ASTN2: variants seen among roughly 807,000 people sequenced by gnomAD.
ASTN2 encodes astrotactin-2.
Under a neutral mutation model 139.8 loss-of-function variants are expected in ASTN2, and 54 were observed. The ratio of observed to expected loss-of-function variants is 0.39; its 90% CI spans 0.31 to 0.48. The LOEUF is 0.48. Ranked by LOEUF, ASTN2 falls within the 20% of genes least tolerant of loss-of-function variation. The pLI is 0.95. For synonymous variants in ASTN2, 756 were observed against 719.5 expected (o/e 1.05, Z -0.81); for missense variants, 1,565 against 1,725.1 (o/e 0.91, Z 1.64).
chr9:116,553,181 G>A (rs546086861), intron 19 of ASTN2, among the ~76,000 whole-genome samples: 96 of 152,150 alleles, frequency 6.3e-4, no homozygotes, highest in African/African-American at 2.2e-3. Flanking sequence ...AGATTCTGTG[G>A]ACCTGCAGAC....
At position 116,888,779 on chromosome 9, in the gene ASTN2, T is replaced by C. The variant is rs540044899; in HGVS notation, c.1890-25046A>G. Among the ~76,000 whole-genome samples, 11 of 152,276 alleles carry C rather than the reference T, an allele frequency of 7.2e-5. No individual in the cohort carries two copies. In the South Asian group the frequency reaches 1.5e-3, roughly 20 times the overall value. ...TAGGTAAATGTGTGTCATGGTGGTT[T>C]GCTGCACCTATCAACCCATCACCTA... On this transcript the variant is annotated intron_variant, in intron 10 of 22. Coordinates refer to ENST00000313400, the MANE Select transcript of ASTN2 (RefSeq NM_001365068.1).
chr9:116,609,906 G>C (rs1305549061), intron 19 of ASTN2, among the ~76,000 whole-genome samples: 1 of 152,060 alleles, frequency 6.6e-6, no homozygotes, highest in South Asian at 2.1e-4. Flanking sequence ...ACTGTGATAT[G>C]TTAGATATTC....
At chr9:116,499,008 T>G (rs1849765918) in intron 19 of ASTN2, among the ~76,000 whole-genome samples, 1 of 152,194 alleles carries the variant, frequency 6.6e-6, no homozygotes, top group Non-Finnish European at 1.5e-5. Context: ...TCTAAAGAGC[T>G]GGCTGCTTCT....
At chr9:117,317,824 C>A (rs1269793978) in intron 1 of ASTN2, among the ~76,000 whole-genome samples, 2 of 152,182 alleles carry the variant, frequency 1.3e-5, no homozygotes, top group Non-Finnish European at 2.9e-5. Flanking sequence ...ACTCACAGGT[C>A]AGTGCACTGG....
At chr9:117,191,070 A>C (rs1370658685) in intron 3 of ASTN2, among the ~76,000 whole-genome samples, 1 of 152,142 alleles carries the variant, frequency 6.6e-6, no homozygotes, top group East Asian at 1.9e-4. Context: ...GAGACTTCCC[A>C]ACAGATATTG....
At chr9:116,671,352 T>A (rs764219061) in intron 16 of ASTN2, among the ~76,000 whole-genome samples, 11 of 152,164 alleles carry the variant, frequency 7.2e-5, no homozygotes, top group Non-Finnish European at 1.3e-4. Flanking sequence ...TATTGAGCAC[T>A]TACCAAGTAT....
chr9:117,173,538 A>G (rs570514028), intron 3 of ASTN2, among the ~76,000 whole-genome samples: 3 of 152,138 alleles, frequency 2.0e-5, no homozygotes, highest in South Asian at 4.1e-4. Flanking sequence ...AATAGTACCC[A>G]GAACATATTA....
At position 116,650,190 on chromosome 9, in the gene ASTN2, C is replaced by T. The variant is rs115223787; in HGVS notation, c.3072+1338G>A. ...GTGTTGTAGAAGGAGGAGTGGGGAT[C>T]AAATGGGAGATGCTTTATCTCCCTT... On this transcript the variant is annotated intron_variant, in intron 17 of 22. Coordinates refer to ENST00000313400, the MANE Select transcript of ASTN2 (RefSeq NM_001365068.1). Among the ~76,000 whole-genome samples, 1,215 of 152,274 alleles carry T rather than the reference C, an allele frequency of 8.0e-3. 12 individuals carry two copies. The highest frequency in any genetic ancestry group is 0.024 in the African/African-American group (986 of 41,564).
intron 1 of ASTN2, among the ~76,000 whole-genome samples, chr9:117,361,935 A>G (rs944546884): frequency 6.6e-6 from 1 of 151,650 alleles, no homozygotes; most frequent in African/African-American, 2.4e-5. Flanking sequence ...ATCACCCTGC[A>G]TTTTGTTTGA....
In ASTN2 at chr9:117,414,594, G is replaced by C. The variant is rs371965353; in HGVS notation, c.345C>G (p.Ala115=). 6.3e-5 allele frequency: 99 copies of C among 1,576,284 alleles called. No individual in the cohort carries two copies. The highest frequency in any genetic ancestry group is 5.2e-5 in the Non-Finnish European group (61 of 1,164,712). ...GCACAAAGAGCAGGAGGCGCGACTC[G>C]GCGGCGGTGCCGGCAGAGCCAGGAG... is the stretch of plus-strand genomic sequence containing the variant. ...PGSPGSAGTA[A]ESRLLLFVRN... The change falls in exon 1 of 23, where the codon GCC becomes GCG. Residue 115 remains alanine, a synonymous_variant. Coordinates refer to ENST00000313400, the MANE Select transcript of ASTN2 (RefSeq NM_001365068.1). The surrounding 1 kb of genome is among the most constrained non-coding windows in gnomAD (Gnocchi z 4.2).
chr9:116,517,629 AC>A (rs1321621879), intron 19 of ASTN2, among the ~76,000 whole-genome samples: 1 of 152,250 alleles, frequency 6.6e-6, no homozygotes, highest in East Asian at 1.9e-4. Context: ...ATACTGGTTC[AC>A]CAGTAATGGA....
intron 13 of ASTN2, among the ~76,000 whole-genome samples, chr9:116,796,161 G>T (rs934916081): frequency 3.9e-5 from 6 of 152,188 alleles, no homozygotes; most frequent in African/African-American, 1.4e-4. Flanking sequence ...ACACCAGGAA[G>T]TGGGCATTGT....
intron 7 of ASTN2, among the ~76,000 whole-genome samples, chr9:116,994,979 C>A (rs1319153547): frequency 6.6e-6 from 1 of 152,194 alleles, no homozygotes; most frequent in Non-Finnish European, 1.5e-5. Context: ...GATATTCTTA[C>A]CACTATTTTA....
chr9:117,191,227 CAA>C (rs35328157), intron 3 of ASTN2, among the ~76,000 whole-genome samples: 26 of 62,418 alleles, frequency 4.2e-4, no homozygotes, highest in African/African-American at 5.6e-4. Context: ...TACAAAATAG[CAA>C]AAAAAAAAAA....
At chr9:116,723,561 G>T (rs1753909165) in intron 16 of ASTN2, among the ~76,000 whole-genome samples, 1 of 152,144 alleles carries the variant, frequency 6.6e-6, no homozygotes, top group Non-Finnish European at 1.5e-5. Context: ...ACGTTTAGCA[G>T]ATGGCAGTGA....
chr9:116,922,998 A>T (rs1458911678), intron 10 of ASTN2, among the ~76,000 whole-genome samples: 1 of 152,186 alleles, frequency 6.6e-6, no homozygotes. Flanking sequence ...AGGCAGTATT[A>T]GGTTCTTTGC....
chr9:116,656,597 C>T (rs1304510388), intron 16 of ASTN2, among the ~76,000 whole-genome samples: 1 of 150,790 alleles, frequency 6.6e-6, no homozygotes, highest in Non-Finnish European at 1.5e-5. Flanking sequence ...TCCAATGACA[C>T]TACAACCCAT....
At chr9:116,441,958 T>C (rs1210815428) in intron 21 of ASTN2, among the ~76,000 whole-genome samples, 1 of 152,238 alleles carries the variant, frequency 6.6e-6, no homozygotes, top group African/African-American at 2.4e-5. Context: ...TCACTGATGG[T>C]AGCTCTATGC....
At chr9:116,538,447 T>C (rs1484754970) in intron 19 of ASTN2, among the ~76,000 whole-genome samples, 1 of 152,090 alleles carries the variant, frequency 6.6e-6, no homozygotes, top group Non-Finnish European at 1.5e-5. Context: ...CCCATGACTT[T>C]GTATTTTAAA....
Sources: gnomAD v4.1 joint callset for allele counts (sites outside exome capture counted in the v4.1 genomes callset) on GRCh38, gnomAD v4.1.1 for gene constraint, Gnocchi (gnomAD v3.1) non-coding constraint, MANE v1.5 for transcripts, NCBI Gene and HGNC (gene_info 2026-07-23, HGNC 2026-07-21) for gene names.